The following KHDRBS2 variants were observed in gnomAD, a reference collection of about 807,000 sequenced individuals.
KHDRBS2 encodes the protein KH RNA binding domain containing, signal transduction associated 2, also known as KH domain-containing, RNA-binding, signal transduction-associated protein 2.
KHDRBS2 carries 26 observed loss-of-function variants against 44.3 expected under a neutral mutation model. The observed-to-expected ratio is 0.59, with a 90% CI of 0.43 to 0.81. The LOEUF is 0.81. Ranked by LOEUF, KHDRBS2 falls within the 40% of genes least tolerant of loss-of-function variation. The pLI is 0.00. For missense variants in KHDRBS2, 476 were observed against 433.1 expected, an observed-to-expected ratio of 1.10 and a Z score of -0.88; for synonymous variants, 194 against 151.1, an observed-to-expected ratio of 1.28 and a Z score of -2.08.
chr6:62,065,958 T>G (rs1392685715), intron 2 of KHDRBS2, among the ~76,000 whole-genome samples: 4 of 151,754 alleles, frequency 2.6e-5, no homozygotes, highest in South Asian at 2.1e-4. Context: ...GTGCTAATCA[T>G]ATTTTTCTTT....
chr6:61,863,538 C>A (rs1335604199), intron 6 of KHDRBS2, among the ~76,000 whole-genome samples: 1 of 152,092 alleles, frequency 6.6e-6, no homozygotes. Flanking sequence ...GCCTTAATTT[C>A]ATTATTTACC....
rs112404120 is a variant in KHDRBS2, at chr6:61,935,887, T to C, written c.484-34516A>G. On this transcript the variant is annotated intron_variant, in intron 4 of 8. Coordinates refer to ENST00000281156, the MANE Select transcript of KHDRBS2 (RefSeq NM_152688.4). ...ATCAGAGAATGACAATCTCATCATA[T>C]TGATTTCATCATAGTTTATACAATA... Among the ~76,000 whole-genome samples, 66 of 152,268 alleles carry C rather than the reference T, an allele frequency of 4.3e-4. 1 individual carries two copies. Among genetic ancestry groups the C allele is most frequent in the African/African-American group, 1.4e-3 (59 of 41,574 alleles).
chr6:61,599,213 T>C, the KHDRBS2 span, among the ~76,000 whole-genome samples: 1 of 152,080 alleles, frequency 6.6e-6, no homozygotes, highest in African/African-American at 2.4e-5. Context: ...GGATAAACTT[T>C]GTTGTAAATC....
At position 62,168,963 on chromosome 6, in the gene KHDRBS2, T is replaced by C. The variant is rs547886922; in HGVS notation, c.219+8222A>G. 3.4e-5 allele frequency among the ~76,000 whole-genome samples: 5 copies of C among 145,860 alleles called. No individual in the cohort carries two copies. In the East Asian group the frequency reaches 1.0e-3, roughly 30 times the overall value. On this transcript the variant is annotated intron_variant, in intron 2 of 8. Transcript: ENST00000281156. ...ATGTTAAAATTTGAAAGAAATGGTA[T>C]ATTCAACAATGAAACATAGTATGTG...
chr6:61,659,066 A>G, the KHDRBS2 span: 2 of 151,926 alleles, frequency 1.3e-5, no homozygotes, highest in Non-Finnish European at 2.9e-5. Context: ...GGTAATTTAT[A>G]GAGAGTTTCA....
At chr6:61,874,052 T>C (rs1562347629) in intron 6 of KHDRBS2, among the ~76,000 whole-genome samples, 2 of 152,082 alleles carry the variant, frequency 1.3e-5, no homozygotes, top group Non-Finnish European at 2.9e-5. Context: ...TTCTTCACAT[T>C]AATAAAAATA....
the KHDRBS2 span, among the ~76,000 whole-genome samples, chr6:61,591,688 G>T: frequency 1.3e-5 from 2 of 152,148 alleles, no homozygotes; most frequent in African/African-American, 4.8e-5. Flanking sequence ...AAGACAAGGA[G>T]TTATTGATTT....
intron 1 of KHDRBS2, among the ~76,000 whole-genome samples, chr6:62,269,562 G>A (rs1363337558): frequency 6.6e-6 from 1 of 152,064 alleles, no homozygotes; most frequent in South Asian, 2.1e-4. Context: ...TGAAGTGGCT[G>A]TTGTTAAAAA....
chr6:62,189,708 A>T (rs1824198770), intron 1 of KHDRBS2, among the ~76,000 whole-genome samples: 1 of 152,116 alleles, frequency 6.6e-6, no homozygotes, highest in African/African-American at 2.4e-5. Context: ...TGGAAGGTAG[A>T]GGTTTGCTGT....
chr6:61,771,983 C>T (rs1380504280), intron 6 of KHDRBS2, among the ~76,000 whole-genome samples: 1 of 152,142 alleles, frequency 6.6e-6, no homozygotes, highest in African/African-American at 2.4e-5. Context: ...TTATAACAAA[C>T]TGTATCTCAG....
Position 62,026,438 on chromosome 6 carries a change from A to T in KHDRBS2, c.336+21440T>A, listed in dbSNP as rs533440115. 8.5e-3 allele frequency among the ~76,000 whole-genome samples: 1,248 copies of T among 146,132 alleles called. 15 individuals are homozygous for T. The highest frequency in any genetic ancestry group is 0.023 in the African/African-American group (920 of 40,132). ...TTTATTTATTATTATTATTATTATTATTTTTTTTTTTGGAGAAAAGGTCTC... is the reference window on the plus strand; with the variant it reads ...TTTATTTATTATTATTATTATTATTTTTTTTTTTTTTGGAGAAAAGGTCTC... On this transcript the variant is annotated intron_variant, in intron 3 of 8. Transcript: ENST00000281156.
chr6:62,210,453 C>G (rs563399783), intron 1 of KHDRBS2, among the ~76,000 whole-genome samples: 1 of 151,796 alleles, frequency 6.6e-6, no homozygotes, highest in Admixed American at 6.6e-5. Context: ...GCCTCGGCCC[C>G]CAGAGTCACT....
chr6:61,818,107 T>C (rs1300038868), intron 6 of KHDRBS2, among the ~76,000 whole-genome samples: 2 of 151,998 alleles, frequency 1.3e-5, no homozygotes, highest in African/African-American at 4.8e-5. Context: ...TTATTTCTTA[T>C]TCAACTTGCC....
chr6:61,610,875 G>A, the KHDRBS2 span, among the ~76,000 whole-genome samples: 2 of 152,082 alleles, frequency 1.3e-5, no homozygotes, highest in African/African-American at 4.8e-5. Context: ...CTATAGTCAC[G>A]GAATCCACTC....
the KHDRBS2 span, among the ~76,000 whole-genome samples, chr6:61,588,708 C>T: frequency 6.6e-6 from 1 of 152,028 alleles, no homozygotes; most frequent in Non-Finnish European, 1.5e-5. Flanking sequence ...GGTAAGATCA[C>T]TTAAGCTCGG....
At chr6:61,816,817 A>G (rs1303016726) in intron 6 of KHDRBS2, 1 of 382,420 alleles carries the variant, frequency 2.6e-6, no homozygotes, top group Non-Finnish European at 5.2e-6. Flanking sequence ...TACATTTTAT[A>G]TTAATATTTT....
At chr6:62,225,999 C>T (rs1382798138) in intron 1 of KHDRBS2, among the ~76,000 whole-genome samples, 2 of 152,142 alleles carry the variant, frequency 1.3e-5, no homozygotes, top group Admixed American at 6.5e-5. Context: ...AATAAACATA[C>T]ATGTGCATGT....
intron 2 of KHDRBS2, among the ~76,000 whole-genome samples, chr6:62,094,631 C>T (rs1800177095): frequency 6.6e-6 from 1 of 151,806 alleles, no homozygotes; most frequent in Non-Finnish European, 1.5e-5. Context: ...CAAAAAATCC[C>T]TGCCTAGGCC....
At chr6:61,962,671 A>G (rs1769004329) in intron 4 of KHDRBS2, among the ~76,000 whole-genome samples, 1 of 152,066 alleles carries the variant, frequency 6.6e-6, no homozygotes, top group Admixed American at 6.6e-5. Context: ...ATAAATCTGG[A>G]GGATAACTGT....
Sources: allele counts gnomAD v4.1 joint callset (sites outside exome capture counted in the v4.1 genomes callset), GRCh38; gene constraint gnomAD v4.1.1; transcripts MANE v1.5; gene names NCBI Gene and HGNC (gene_info 2026-07-23, HGNC 2026-07-21).